The following TMEM45A variants were observed in gnomAD, a reference collection of about 807,000 sequenced individuals.
TMEM45A encodes the protein transmembrane protein 45A.
A neutral mutation model predicts 32.0 loss-of-function variants in TMEM45A; 25 were observed. The ratio of observed to expected loss-of-function variants is 0.78; its 90% CI spans 0.57 to 1.09. The LOEUF is 1.09. Ranked by LOEUF, TMEM45A falls within the 50% of genes least tolerant of loss-of-function variation. The probability of loss-of-function intolerance (pLI) is 0.00; values close to 1 mark genes in which losing one functional copy is unlikely to be tolerated. For missense variants in TMEM45A, 302 were observed against 325.0 expected (o/e 0.93, Z 0.54); for synonymous variants, 122 against 114.8 (o/e 1.06, Z -0.40).
intron 1 of TMEM45A, among the ~76,000 whole-genome samples, chr3:100,541,110 C>T (rs533725940): frequency 1.3e-5 from 2 of 152,208 alleles, no homozygotes; most frequent in East Asian, 3.9e-4. Context: ...GTCTGTTGGC[C>T]ACTTGTATGT....
chr3:100,558,524 A>G lies in TMEM45A; in HGVS notation c.523A>G (p.Asn175Asp). 6.2e-7 allele frequency: 1 copy of G among 1,614,050 alleles called. No homozygotes were observed. Among genetic ancestry groups the G allele is most frequent in the African/African-American group, 1.3e-5 (1 of 74,986 alleles). ...TGCCTTCCTAGAGTTCCTTGTTCGG[A>G]ACAATGTACTTCTGGAGCTATTGCG... ...LVAFLEFLVR[N>D]NVLLELLRSS... The change falls in exon 4 of 6, where the codon AAC (asparagine) becomes GAC (aspartate). Residue 175 changes from asparagine (N) to aspartate (D), a missense_variant. Coordinates refer to ENST00000323523, the MANE Select transcript of TMEM45A (RefSeq NM_018004.3).
intron 1 of TMEM45A, among the ~76,000 whole-genome samples, chr3:100,494,340 C>T (rs1209190311): frequency 6.6e-6 from 1 of 152,120 alleles, no homozygotes; most frequent in East Asian, 1.9e-4. Context: ...TTAAAAGTTG[C>T]AGCCTGGGCG....
chr3:100,515,282 G>A (rs1219616442), intron 1 of TMEM45A, among the ~76,000 whole-genome samples: 1 of 151,834 alleles, frequency 6.6e-6, no homozygotes, highest in Non-Finnish European at 1.5e-5. Flanking sequence ...TATACACCAT[G>A]GAATACTATG....
In TMEM45A at chr3:100,556,952, C is replaced by T. The variant is rs749363406; in HGVS notation, c.383C>T (p.Ser128Leu). Residue 128 changes from serine (S) to leucine (L), a missense_variant, in exon 3 of 6, where the codon TCA becomes TTA. Coordinates refer to ENST00000323523, the MANE Select transcript of TMEM45A (RefSeq NM_018004.3). Reference protein sequence around the residue: ...LPVSLTKLMLSNALFVEAFIF... With the variant: ...LPVSLTKLMLLNALFVEAFIF... ...GTGTCCTTAACCAAGTTAATGTTGT[C>T]AAATGCCTTATTTGTGGAGGGTAAG... 2 of 1,614,158 alleles carry T rather than the reference C, an allele frequency of 1.2e-6. No individual in the cohort carries two copies. Among genetic ancestry groups the T allele is most frequent in the Non-Finnish European group, 1.7e-6 (2 of 1,180,014 alleles).
At chr3:100,532,864 G>A (rs1705670624) in intron 1 of TMEM45A, among the ~76,000 whole-genome samples, 1 of 152,160 alleles carries the variant, frequency 6.6e-6, no homozygotes, top group Non-Finnish European at 1.5e-5. Flanking sequence ...GGAATCAAGA[G>A]GATGCTATGC....
At chr3:100,511,322 C>T (rs1489653931) in intron 1 of TMEM45A, among the ~76,000 whole-genome samples, 1 of 152,172 alleles carries the variant, frequency 6.6e-6, no homozygotes, top group Non-Finnish European at 1.5e-5. Flanking sequence ...CAATATTCAA[C>T]ATTCTTAAAG....
chr3:100,505,767 G>A (rs974210616), intron 1 of TMEM45A, among the ~76,000 whole-genome samples: 6 of 152,200 alleles, frequency 3.9e-5, no homozygotes, highest in Non-Finnish European at 4.4e-5. Context: ...CAGTCATCAG[G>A]TGATGAACAG....
intron 1 of TMEM45A, among the ~76,000 whole-genome samples, chr3:100,529,679 T>C (rs1486765194): frequency 6.6e-6 from 1 of 152,150 alleles, no homozygotes; most frequent in Admixed American, 6.5e-5. Context: ...TGGAGTGCAG[T>C]GGAGTGATCT....
At chr3:100,498,062 T>TTC (rs1376361448) in intron 1 of TMEM45A, among the ~76,000 whole-genome samples, 1 of 152,204 alleles carries the variant, frequency 6.6e-6, no homozygotes, top group Non-Finnish European at 1.5e-5. Flanking sequence ...CCCCATGCTG[T>TTC]TCTCATGATA....
chr3:100,515,831 A>G (rs1307597493), intron 1 of TMEM45A, among the ~76,000 whole-genome samples: 6 of 152,172 alleles, frequency 3.9e-5, no homozygotes, highest in African/African-American at 1.4e-4. Flanking sequence ...GGTGGTTACC[A>G]GAGGCTGGGA....
chr3:100,511,656 C>G (rs1466595993), intron 1 of TMEM45A, among the ~76,000 whole-genome samples: 55 of 150,122 alleles, frequency 3.7e-4, no homozygotes, highest in African/African-American at 1.3e-3. Flanking sequence ...ACTAAATGCT[C>G]CAATTAAAAG....
chr3:100,531,048 C>G (rs766813527), intron 1 of TMEM45A, among the ~76,000 whole-genome samples: 8 of 152,018 alleles, frequency 5.3e-5, no homozygotes, highest in Non-Finnish European at 8.8e-5. Flanking sequence ...TGAGTTGTCT[C>G]TCTTTCAGAT....
Position 100,517,773 on chromosome 3 carries a change from G to A in TMEM45A, c.-4+24845G>A, listed in dbSNP as rs79024862. Among the ~76,000 whole-genome samples the A allele has an allele frequency of 9.8e-3, 1,491 of 152,306 alleles. 22 individuals are homozygous for A. The highest frequency in any genetic ancestry group is 0.035 in the African/African-American group (1,443 of 41,560). On this transcript the variant is annotated intron_variant, in intron 1 of 5. Transcript: ENST00000323523. ...GTTTCTGGGGTTCTCTGTGCAGCTG[G>A]AAAAATGATGAGCAAGTTAGCTTAA...
chr3:100,555,517 A>T, intron 2 of TMEM45A, 116 bp downstream of exon 2: 1 of 1,107,454 alleles, frequency 9.0e-7, no homozygotes. Flanking sequence ...CTGAAAGAAT[A>T]AACCCTATCA....
intron 1 of TMEM45A, among the ~76,000 whole-genome samples, chr3:100,502,399 T>C (rs541286038): frequency 6.6e-6 from 1 of 152,328 alleles, no homozygotes; most frequent in South Asian, 2.1e-4. Context: ...AAACCAAAAT[T>C]GAGAGCTACA....
intron 5 of TMEM45A, chr3:100,572,914 T>C (rs1207262796): frequency 6.6e-6 from 1 of 151,010 alleles, no homozygotes; most frequent in Non-Finnish European, 1.5e-5. Context: ...TAGTTGTAGA[T>C]ATGTGGCATT....
At chr3:100,539,250 A>G (rs920946928) in intron 1 of TMEM45A, among the ~76,000 whole-genome samples, 4 of 152,142 alleles carry the variant, frequency 2.6e-5, no homozygotes, top group African/African-American at 9.7e-5. Flanking sequence ...GAAAGAACAG[A>G]CACATAGGTG....
chr3:100,539,030 A>T (rs1705796213), intron 1 of TMEM45A, among the ~76,000 whole-genome samples: 1 of 152,202 alleles, frequency 6.6e-6, no homozygotes, highest in Non-Finnish European at 1.5e-5. Flanking sequence ...TTTCTTCCCA[A>T]CTGATCTATA....
intron 5 of TMEM45A, chr3:100,571,010 A>C (rs1316166053): frequency 2.0e-5 from 3 of 152,144 alleles, no homozygotes; most frequent in Non-Finnish European, 4.4e-5. Context: ...TATTATGAAA[A>C]ACATATGGGT....
Sources: allele counts gnomAD v4.1 joint callset (sites outside exome capture counted in the v4.1 genomes callset), GRCh38; gene constraint gnomAD v4.1.1; transcripts MANE v1.5; gene names NCBI Gene and HGNC (gene_info 2026-07-23, HGNC 2026-07-21).